Variants in VTI1A observed in about 807,000 individuals in gnomAD.
VTI1A encodes vesicle transport through interaction with t-SNAREs 1A.
In VTI1A, 22 loss-of-function variants were observed where a neutral mutation model predicts 34.9. The ratio of observed to expected loss-of-function variants is 0.63; its 90% CI spans 0.45 to 0.90. The LOEUF (loss-of-function observed/expected upper bound fraction) is 0.90. Ranked by LOEUF, VTI1A falls within the 40% of genes least tolerant of loss-of-function variation. The pLI is 0.00. For synonymous variants in VTI1A, 87 were observed against 97.3 expected, an observed-to-expected ratio of 0.89 and a Z score of 0.62; for missense variants, 268 against 275.6, an observed-to-expected ratio of 0.97 and a Z score of 0.20.
intron 5 of VTI1A, among the ~76,000 whole-genome samples, chr10:112,559,834 G>T (rs1369363750): frequency 3.3e-5 from 5 of 152,154 alleles, no homozygotes. Flanking sequence ...CCTGTATTGG[G>T]TGTCTTATGA....
intron 3 of VTI1A, among the ~76,000 whole-genome samples, chr10:112,507,091 A>G (rs1849457797): frequency 6.6e-6 from 1 of 152,048 alleles, no homozygotes; most frequent in African/African-American, 2.4e-5. Context: ...CTTTTGTTTC[A>G]GGTGTCCAGA....
chr10:112,552,172 T>C (rs1851384193), intron 5 of VTI1A, among the ~76,000 whole-genome samples: 1 of 152,236 alleles, frequency 6.6e-6, no homozygotes, highest in South Asian at 2.1e-4. Context: ...TTACATCTGT[T>C]AACTCATCGT....
intron 5 of VTI1A, among the ~76,000 whole-genome samples, chr10:112,660,424 G>A (rs888376628): frequency 2.6e-5 from 4 of 152,074 alleles, no homozygotes; most frequent in African/African-American, 9.7e-5. Context: ...AAAGCCAAGT[G>A]GCACTAAAGA....
the VTI1A span, chr10:112,831,584 C>T: frequency 6.6e-6 from 1 of 152,192 alleles, no homozygotes; most frequent in Non-Finnish European, 1.5e-5. Context: ...TGAATTTGTA[C>T]CCGCCGAGCC....
intron 5 of VTI1A, among the ~76,000 whole-genome samples, chr10:112,640,973 C>A (rs935788964): frequency 6.6e-6 from 1 of 152,146 alleles, no homozygotes; most frequent in African/African-American, 2.4e-5. Context: ...AACAATGGAC[C>A]ATCAGGCATA....
At chr10:112,781,548 T>C (rs1303980602) in intron 7 of VTI1A, among the ~76,000 whole-genome samples, 1 of 151,854 alleles carries the variant, frequency 6.6e-6, no homozygotes, top group African/African-American at 2.4e-5. Flanking sequence ...GGTTAAGACT[T>C]TGTCAGTCCT....
chr10:112,621,476 C>T (rs183478346), intron 5 of VTI1A, among the ~76,000 whole-genome samples: 384 of 152,232 alleles, frequency 2.5e-3, no homozygotes, highest in South Asian at 3.3e-3. Context: ...CCCATACCAT[C>T]CTTATCAGGT....
At chr10:112,828,853 GA>G in the VTI1A span, among the ~76,000 whole-genome samples, 19,721 of 109,008 alleles carry the variant, frequency 0.18, 1,636 homozygotes, top group Admixed American at 0.27. Context: ...TCTCAAAAAA[GA>G]AAAAAAAAAA....
chr10:112,544,485 T>C (rs1589883873), intron 5 of VTI1A, among the ~76,000 whole-genome samples: 1 of 152,074 alleles, frequency 6.6e-6, no homozygotes, highest in African/African-American at 2.4e-5. Context: ...ACAGGTGTGA[T>C]CCACCACGCC....
At chr10:112,507,338 C>T (rs1356503176) in intron 3 of VTI1A, among the ~76,000 whole-genome samples, 4 of 152,194 alleles carry the variant, frequency 2.6e-5, no homozygotes, top group Non-Finnish European at 4.4e-5. Context: ...CGTATATTCT[C>T]CAGTCATGCT....
At chr10:112,753,279 T>TAAG (rs747629607) in intron 7 of VTI1A, among the ~76,000 whole-genome samples, 1 of 151,576 alleles carries the variant, frequency 6.6e-6, no homozygotes, top group Non-Finnish European at 1.5e-5. Context: ...AATATAATAA[T>TAAG]AATAATAATA....
chr10:112,495,622 G>A (rs1848992759), intron 3 of VTI1A, among the ~76,000 whole-genome samples: 1 of 152,140 alleles, frequency 6.6e-6, no homozygotes, highest in African/African-American at 2.4e-5. Flanking sequence ...GCCAGTTTGA[G>A]TTCAGAAGAG....
At chr10:112,607,059 G>T (rs750608973) in intron 5 of VTI1A, among the ~76,000 whole-genome samples, 1 of 152,090 alleles carries the variant, frequency 6.6e-6, no homozygotes, top group Non-Finnish European at 1.5e-5. Context: ...GGCTGACGTG[G>T]GTGGATGACC....
intron 5 of VTI1A, among the ~76,000 whole-genome samples, chr10:112,616,754 A>G (rs969357134): frequency 6.6e-6 from 1 of 152,176 alleles, no homozygotes. Flanking sequence ...ACCATACAGA[A>G]CTTTTTGAAA....
rs146790554 is a variant in VTI1A at position 112,618,679 on chromosome 10, G to C, written c.428-49539G>C. On this transcript the variant is annotated intron_variant, in intron 5 of 7. Coordinates refer to ENST00000393077, the MANE Select transcript of VTI1A (RefSeq NM_145206.4). ...TTTTGAGCCTGACCTTAAAATATTGGTATAGTTAGAACATGCATACCATAG... is the reference window on the plus strand; with the variant it reads ...TTTTGAGCCTGACCTTAAAATATTGCTATAGTTAGAACATGCATACCATAG... Among the ~76,000 whole-genome samples the C allele has an allele frequency of 3.4e-3, 520 of 151,700 alleles. 5 individuals carry two copies. The highest frequency in any genetic ancestry group is 0.012 in the African/African-American group (487 of 41,318).
intron 6 of VTI1A, 61 bp from the exon 7 acceptor site, chr10:112,668,876 C>T: frequency 2.6e-6 from 4 of 1,544,352 alleles, no homozygotes; most frequent in Non-Finnish European, 3.6e-6. Context: ...TGTCGCTTGC[C>T]ATGCACTTTA....
chr10:112,741,148 G>C (rs1472784079), intron 7 of VTI1A, among the ~76,000 whole-genome samples: 3 of 152,126 alleles, frequency 2.0e-5, no homozygotes, highest in Non-Finnish European at 2.9e-5. Context: ...GCACTGGAGA[G>C]GGGAAATTAA....
chr10:112,813,909 C>T (rs1252579113), intron 7 of VTI1A, among the ~76,000 whole-genome samples: 1 of 152,144 alleles, frequency 6.6e-6, no homozygotes, highest in African/African-American at 2.4e-5. Flanking sequence ...TTGCGGAAGA[C>T]GTGTCAGCAA....
At chr10:112,609,208 A>C (rs1292848671) in intron 5 of VTI1A, among the ~76,000 whole-genome samples, 1 of 152,190 alleles carries the variant, frequency 6.6e-6, no homozygotes, top group Non-Finnish European at 1.5e-5. Context: ...GAAAGGATTA[A>C]GTGATGAGGT....
Sources: gnomAD v4.1 joint callset for allele counts (sites outside exome capture counted in the v4.1 genomes callset) on GRCh38, gnomAD v4.1.1 for gene constraint, MANE v1.5 for transcripts, NCBI Gene and HGNC (gene_info 2026-07-23, HGNC 2026-07-21) for gene names.